The following ERI3 variants were observed in gnomAD, a reference collection of about 807,000 sequenced individuals.
ERI3 encodes ERI1 exoribonuclease 3.
In ERI3, 18 loss-of-function variants were observed where a neutral mutation model predicts 44.4. That is an observed-to-expected ratio of 0.41 (90% CI 0.28 to 0.60). The LOEUF (loss-of-function observed/expected upper bound fraction) is 0.60. Ranked by LOEUF, ERI3 falls within the 20% of genes least tolerant of loss-of-function variation. The pLI, the probability that ERI3 is intolerant of heterozygous loss-of-function variation, is 0.36. For missense variants in ERI3, 294 were observed against 435.5 expected (o/e 0.68, Z 2.89); for synonymous variants, 183 against 164.8 (o/e 1.11, Z -0.84).
intron 7 of ERI3, among the ~76,000 whole-genome samples, chr1:44,282,840 C>T (rs937486357): frequency 3.9e-5 from 6 of 152,200 alleles, no homozygotes; most frequent in Admixed American, 1.3e-4. Context: ...CTACTATTCC[C>T]TTCCTCTTCA....
At chr1:44,242,612 G>A (rs994601234) in intron 8 of ERI3, among the ~76,000 whole-genome samples, 4 of 152,226 alleles carry the variant, frequency 2.6e-5, no homozygotes, top group South Asian at 2.1e-4. Flanking sequence ...CGGTCACTCT[G>A]TCAAGGGATG....
At chr1:44,344,357 C>A (rs1005862488) in intron 2 of ERI3, among the ~76,000 whole-genome samples, 1 of 152,136 alleles carries the variant, frequency 6.6e-6, no homozygotes, top group Non-Finnish European at 1.5e-5. Flanking sequence ...TTTGAAGAGA[C>A]AGATCTCCCT....
At chr1:44,275,495 G>T (rs1388573455) in intron 7 of ERI3, among the ~76,000 whole-genome samples, 2 of 152,152 alleles carry the variant, frequency 1.3e-5, no homozygotes, top group African/African-American at 4.8e-5. Context: ...AATGCTCCAA[G>T]GTCAGGAAAA....
chr1:44,237,519 G>C (rs966041120), intron 8 of ERI3, among the ~76,000 whole-genome samples: 6 of 152,214 alleles, frequency 3.9e-5, no homozygotes, highest in Non-Finnish European at 8.8e-5. Context: ...ATCCCATAGT[G>C]AATGACTTAC....
intron 2 of ERI3, among the ~76,000 whole-genome samples, chr1:44,343,217 T>C (rs1306396963): frequency 2.6e-5 from 4 of 152,100 alleles, no homozygotes; most frequent in Non-Finnish European, 4.4e-5. Flanking sequence ...TAATGGATTA[T>C]AATGCACTGA....
At position 44,284,874 on chromosome 1, in the gene ERI3, T is replaced by C. The variant is rs1332653054; in HGVS notation, c.792A>G (p.Pro264=). 2 of 1,613,958 alleles carry C rather than the reference T, an allele frequency of 1.2e-6. No individual in the cohort carries two copies. Among genetic ancestry groups the C allele is most frequent in the Admixed American group, 3.3e-5 (2 of 60,012 alleles). Residue 264 remains proline (P), a synonymous_variant, in exon 7 of 9, where the codon CCA becomes CCG. Coordinates refer to ENST00000372257, the MANE Select transcript of ERI3 (RefSeq NM_024066.3). ...TCCACTGCTTGAAGTAATCCGCCAC[T>C]GGCAAGCCCAAGTACTGGCACTGGC... ...LPGQCQYLGL[P]VADYFKQWIN...
intron 5 of ERI3, among the ~76,000 whole-genome samples, chr1:44,310,955 GCGCGCGCGCACACACACACACACACA>G (rs1645949045): frequency 1.4e-5 from 1 of 72,410 alleles, no homozygotes; most frequent in Non-Finnish European, 2.7e-5. Context: ...TGCACATCGC[GCGCGCGCGCACACACACACACACACA>G]CACACACACA....
intron 7 of ERI3, among the ~76,000 whole-genome samples, chr1:44,269,321 TTTAGTTTCTA>T (rs1370040604): frequency 1.3e-5 from 2 of 152,186 alleles, no homozygotes; most frequent in African/African-American, 4.8e-5. Flanking sequence ...AGCCCACGTC[TTTAGTTTCTA>T]GCGTCAAGTT....
chr1:44,304,250 C>T (rs1226921222), intron 6 of ERI3, among the ~76,000 whole-genome samples: 1 of 151,934 alleles, frequency 6.6e-6, no homozygotes, highest in East Asian at 1.9e-4. Flanking sequence ...AAGACATCAG[C>T]ATACAGAGGA....
chr1:44,259,847 T>C (rs1644855067), intron 7 of ERI3, among the ~76,000 whole-genome samples: 1 of 151,204 alleles, frequency 6.6e-6, no homozygotes, highest in Non-Finnish European at 1.5e-5. Flanking sequence ...GCCACTGAAC[T>C]CCAGCCTGAG....
intron 5 of ERI3, among the ~76,000 whole-genome samples, chr1:44,312,738 C>T (rs528676015): frequency 3.3e-5 from 5 of 152,332 alleles, no homozygotes; most frequent in East Asian, 1.9e-4. Flanking sequence ...GCCATCGATG[C>T]GGAGTTCTGG....
intron 2 of ERI3, among the ~76,000 whole-genome samples, chr1:44,347,571 C>A (rs769815612): frequency 6.6e-6 from 1 of 152,164 alleles, no homozygotes; most frequent in South Asian, 2.1e-4. Context: ...GCTCAAATCT[C>A]CCCCCTTTTG....
chr1:44,314,589 G>A (rs1646045259), intron 4 of ERI3, among the ~76,000 whole-genome samples: 1 of 152,138 alleles, frequency 6.6e-6, no homozygotes, highest in African/African-American at 2.4e-5. Flanking sequence ...TTCCTTGCCT[G>A]GAAGACCAAA....
At chr1:44,264,658 G>A (rs1288427092) in intron 7 of ERI3, among the ~76,000 whole-genome samples, 2 of 152,158 alleles carry the variant, frequency 1.3e-5, no homozygotes, top group Non-Finnish European at 2.9e-5. Context: ...AAAGTGTGAA[G>A]GCCACTTCAA....
intron 5 of ERI3, among the ~76,000 whole-genome samples, chr1:44,309,962 A>G (rs1645918916): frequency 6.6e-6 from 1 of 152,130 alleles, no homozygotes; most frequent in South Asian, 2.1e-4. Context: ...TGGCTATTCC[A>G]TATCCTGGCT....
chr1:44,253,136 C>T (rs1644715773), intron 7 of ERI3, among the ~76,000 whole-genome samples: 1 of 152,212 alleles, frequency 6.6e-6, no homozygotes, highest in Admixed American at 6.5e-5. Context: ...ACTCTCTATC[C>T]TGACCAACAC....
chr1:44,314,981 C>T (rs1646056702), intron 4 of ERI3, among the ~76,000 whole-genome samples: 2 of 152,202 alleles, frequency 1.3e-5, no homozygotes, highest in African/African-American at 4.8e-5. Context: ...CAGGAGGAGG[C>T]TTATTACCAA....
chr1:44,334,487 A>G (rs1646494088), intron 3 of ERI3, among the ~76,000 whole-genome samples: 1 of 152,228 alleles, frequency 6.6e-6, no homozygotes, highest in Non-Finnish European at 1.5e-5. Context: ...CTATGTCAGG[A>G]AACAATTCCT....
chr1:44,283,176 G>A (rs904204706), intron 7 of ERI3, among the ~76,000 whole-genome samples: 2 of 152,202 alleles, frequency 1.3e-5, no homozygotes, highest in Non-Finnish European at 2.9e-5. Context: ...TCCATGCCTA[G>A]CCCCACCACA....
Sources: gnomAD v4.1 joint callset for allele counts (sites outside exome capture counted in the v4.1 genomes callset) on GRCh38, gnomAD v4.1.1 for gene constraint, MANE v1.5 for transcripts, NCBI Gene and HGNC (gene_info 2026-07-23, HGNC 2026-07-21) for gene names.